Variants in SGMS1 observed in about 807,000 individuals in gnomAD.
The protein encoded by SGMS1 is sphingomyelin synthase 1, also known as phosphatidylcholine:ceramide cholinephosphotransferase 1.
In SGMS1, 13 loss-of-function variants were observed where a neutral mutation model predicts 46.2. That is an observed-to-expected ratio of 0.28 (90% CI 0.18 to 0.45). SGMS1 has a LOEUF of 0.45. SGMS1 is among the 20% of genes least tolerant of loss of function. The probability of loss-of-function intolerance (pLI) is 1.00; values close to 1 mark genes in which losing one functional copy is unlikely to be tolerated. For missense variants in SGMS1, 324 were observed against 519.9 expected, an observed-to-expected ratio of 0.62 and a Z score of 3.66; for synonymous variants, 203 against 187.8, an observed-to-expected ratio of 1.08 and a Z score of -0.66.
At chr10:50,391,347 T>C (rs1848763381) in intron 6 of SGMS1, among the ~76,000 whole-genome samples, 1 of 152,128 alleles carries the variant, frequency 6.6e-6, no homozygotes, top group Admixed American at 6.5e-5. Flanking sequence ...CATGATAACT[T>C]ACATGGAAAC....
At chr10:50,493,286 C>T (rs887802188) in intron 3 of SGMS1, among the ~76,000 whole-genome samples, 4 of 152,118 alleles carry the variant, frequency 2.6e-5, no homozygotes, top group African/African-American at 9.7e-5. Flanking sequence ...GAAACCGGAC[C>T]CCTTCCTTAC....
chr10:50,342,699 GA>G (rs1272811955), intron 7 of SGMS1: 1 of 152,142 alleles, frequency 6.6e-6, no homozygotes, highest in Admixed American at 6.5e-5. Context: ...CTCATTCATG[GA>G]AACCATAAGG....
At chr10:50,563,742 CA>C (rs60882939) in intron 2 of SGMS1, among the ~76,000 whole-genome samples, 19,538 of 65,338 alleles carry the variant, frequency 0.3, 732 homozygotes, top group East Asian at 0.45. Context: ...GACTCCGTCT[CA>C]AAAAAAAAAA....
chr10:50,313,422 G>C (rs568638103), intron 8 of SGMS1, among the ~76,000 whole-genome samples: 2 of 152,282 alleles, frequency 1.3e-5, no homozygotes, highest in South Asian at 4.2e-4. Context: ...ATACCACAAG[G>C]TTCAGCTAAA....
At chr10:50,465,926 G>C (rs1033856430) in intron 4 of SGMS1, among the ~76,000 whole-genome samples, 1 of 148,100 alleles carries the variant, frequency 6.8e-6, no homozygotes, top group African/African-American at 2.5e-5. Flanking sequence ...ACAGAGCTCA[G>C]CCACAAAAAA....
chr10:50,419,486 A>G lies in SGMS1; in HGVS notation c.-232+13990T>C, dbSNP rs1009027044. Among the ~76,000 whole-genome samples the G allele has an allele frequency of 1.2e-4, 8 of 64,752 alleles. No homozygotes were observed. In the South Asian group the frequency reaches 1.4e-3, roughly 11 times the overall value. The allele number at this position is 64,752 out of a possible 152,430, so 42.5% of individuals were successfully genotyped here. A position where few individuals can be genotyped will look rare whatever the true frequency, so the allele number is the denominator to read the frequency against. On this transcript the variant is annotated intron_variant, in intron 6 of 10. Coordinates refer to ENST00000361781, the MANE Select transcript of SGMS1 (RefSeq NM_147156.4). ...ATTCTTACTATACAATAGAAAGTTT[A>G]TTGGTAGCAAATAGGCTTAAAATTG...
At chr10:50,429,632 A>C (rs567094011) in intron 6 of SGMS1, among the ~76,000 whole-genome samples, 1 of 152,232 alleles carries the variant, frequency 6.6e-6, no homozygotes, top group African/African-American at 2.4e-5. Flanking sequence ...AAGTGTAGAA[A>C]ATAAATTAAT....
intron 1 of SGMS1, among the ~76,000 whole-genome samples, chr10:50,622,988 G>T (rs1329941212): frequency 6.6e-6 from 1 of 152,220 alleles, no homozygotes; most frequent in Non-Finnish European, 1.5e-5. Flanking sequence ...GTCCAGTTCT[G>T]GGCTGCGCCG....
Position 50,477,141 on chromosome 10 carries a change from C to A in SGMS1, c.-497-10209G>T, listed in dbSNP as rs376212572. 3.0e-4 allele frequency among the ~76,000 whole-genome samples: 46 copies of A among 152,248 alleles called. No homozygotes were observed. The East Asian group carries it at 3.3e-3, about 11-fold the overall frequency. On this transcript the variant is annotated intron_variant, in intron 3 of 10. Transcript: ENST00000361781. ...ACTCTATGCCAGTCTATGAAAGCAG[C>A]CATGAGGGCTGAGCCCTGCAGAGCC...
intron 5 of SGMS1, among the ~76,000 whole-genome samples, chr10:50,448,927 G>T (rs999517058): frequency 2.0e-5 from 3 of 151,976 alleles, no homozygotes; most frequent in African/African-American, 7.3e-5. Flanking sequence ...CACCAAAGAA[G>T]ACTTATGGAT....
rs1589383999 is a variant in SGMS1 at position 50,321,433 on chromosome 10, C to T, written c.741+5772G>A. On this transcript the variant is annotated intron_variant, in intron 8 of 10. Transcript: ENST00000361781. ...AGTGACAGAGAGAAGTTATTTAGAA[C>T]ATTGCTATCTTTAATCACTGAAAAA... 3.9e-5 allele frequency among the ~76,000 whole-genome samples: 6 copies of T among 151,966 alleles called. 1 individual carries two copies. The highest frequency in any genetic ancestry group is 3.9e-4 in the Admixed American group (6 of 15,248).
intron 6 of SGMS1, among the ~76,000 whole-genome samples, chr10:50,378,930 AAC>A (rs1848560909): frequency 6.6e-6 from 1 of 152,180 alleles, no homozygotes; most frequent in African/African-American, 2.4e-5. Context: ...TATCGTATTG[AAC>A]ATCTACTATT....
At chr10:50,325,957 AG>A in intron 8 of SGMS1, among the ~76,000 whole-genome samples, 1 of 152,242 alleles carries the variant, frequency 6.6e-6, no homozygotes, top group East Asian at 1.9e-4. Flanking sequence ...ATAACCCAGG[AG>A]CTACAGGTGA....
chr10:50,405,691 C>A (rs907162523), intron 6 of SGMS1, among the ~76,000 whole-genome samples: 1 of 152,084 alleles, frequency 6.6e-6, no homozygotes, highest in African/African-American at 2.4e-5. Context: ...AATCTTTTGG[C>A]AAATATTTAT....
intron 3 of SGMS1, among the ~76,000 whole-genome samples, chr10:50,509,764 TG>T (rs1837738175): frequency 6.6e-6 from 1 of 152,240 alleles, no homozygotes; most frequent in Non-Finnish European, 1.5e-5. Context: ...TGTATTTGAA[TG>T]AGGCATTCTG....
intron 3 of SGMS1, among the ~76,000 whole-genome samples, chr10:50,512,394 G>T (rs922249582): frequency 6.6e-6 from 1 of 152,148 alleles, no homozygotes. Flanking sequence ...TTTGCCAAGA[G>T]CAGGGCTATG....
chr10:50,446,035 G>A (rs937535697), intron 5 of SGMS1, among the ~76,000 whole-genome samples: 3 of 152,104 alleles, frequency 2.0e-5, no homozygotes, highest in Non-Finnish European at 4.4e-5. Flanking sequence ...ATTAGGATGA[G>A]GAAATTCCCA....
At chr10:50,493,492 G>A (rs915716996) in intron 3 of SGMS1, among the ~76,000 whole-genome samples, 6 of 152,208 alleles carry the variant, frequency 3.9e-5, no homozygotes, top group African/African-American at 1.4e-4. Flanking sequence ...TTAAACTAAA[G>A]AGCTTCTACA....
chr10:50,567,049 C>A (rs1838294698), intron 2 of SGMS1, among the ~76,000 whole-genome samples: 1 of 151,920 alleles, frequency 6.6e-6, no homozygotes, highest in Admixed American at 6.6e-5. Flanking sequence ...AGGGTTCAAG[C>A]AATTCTCCTG....
Sources: allele counts gnomAD v4.1 joint callset (sites outside exome capture counted in the v4.1 genomes callset), GRCh38; gene constraint gnomAD v4.1.1; transcripts MANE v1.5; gene names NCBI Gene and HGNC (gene_info 2026-07-23, HGNC 2026-07-21).